ROBO1: variants seen among roughly 807,000 people sequenced by gnomAD.
ROBO1 encodes the protein roundabout homolog 1.
A neutral mutation model predicts 195.9 loss-of-function variants in ROBO1; 149 were observed. That is an observed-to-expected ratio of 0.76 (90% CI 0.67 to 0.87). The LOEUF (loss-of-function observed/expected upper bound fraction) is 0.87. Ranked by LOEUF, ROBO1 falls within the 40% of genes least tolerant of loss-of-function variation. The pLI, the probability that ROBO1 is intolerant of heterozygous loss-of-function variation, is 0.00. For synonymous variants in ROBO1, 816 were observed against 733.2 expected, an observed-to-expected ratio of 1.11 and a Z score of -1.82; for missense variants, 1,933 against 2,068.3, an observed-to-expected ratio of 0.93 and a Z score of 1.27.
At position 78,720,212 on chromosome 3, in the gene ROBO1, G is replaced by A. The variant is rs13086933; in HGVS notation, c.658-2329C>T. On this transcript the variant is annotated intron_variant, in intron 5 of 30. Transcript: ENST00000464233. ...TCCTCATGGGAGCCCCTGTTACAAT[G>A]CCTTGTAAATAGTAAAAATTTTGTG... Among the ~76,000 whole-genome samples, 806 of 152,280 alleles carry A rather than the reference G, an allele frequency of 5.3e-3. 10 individuals carry two copies. The highest frequency in any genetic ancestry group is 0.01 in the Middle Eastern group (3 of 294).
chr3:79,556,399 A>G (rs1321027796), intron 2 of ROBO1, among the ~76,000 whole-genome samples: 2 of 152,130 alleles, frequency 1.3e-5, no homozygotes, highest in African/African-American at 4.8e-5. Context: ...TGTAGAAAAA[A>G]ACAGCATGAA....
chr3:79,227,369 C>T (rs2082244201), intron 2 of ROBO1, among the ~76,000 whole-genome samples: 1 of 152,206 alleles, frequency 6.6e-6, no homozygotes, highest in East Asian at 1.9e-4. Context: ...TTTCTTCTAT[C>T]TCCTATATTT....
chr3:78,945,173 G>A (rs1278220538), intron 3 of ROBO1, among the ~76,000 whole-genome samples: 1 of 152,136 alleles, frequency 6.6e-6, no homozygotes, highest in African/African-American at 2.4e-5. Context: ...AGAGAGTAGT[G>A]GTTCTCCCAG....
rs1442950562 is a variant in ROBO1, at chr3:78,597,967, AGAG to A, written c.*943_*945del. ...TTTAAAACCAAAAAAAAAAAAAAAA[AGAG>A]AGAGAGATTAAAAACAGTGCATTAC... On this transcript the variant is annotated 3_prime_UTR_variant, in exon 31 of 31. Transcript: ENST00000464233. The A allele has an allele frequency of 1.5e-4, 21 of 142,902 alleles. No individual in the cohort carries two copies. Among genetic ancestry groups the A allele is most frequent in the African/African-American group, 2.9e-4 (11 of 37,880 alleles). The allele number at this position is 142,902 out of a possible 1,614,324, so 8.9% of individuals were successfully genotyped here.
At chr3:79,725,276 G>T (rs1702871135) in intron 1 of ROBO1, among the ~76,000 whole-genome samples, 1 of 136,850 alleles carries the variant, frequency 7.3e-6, no homozygotes, top group Non-Finnish European at 1.5e-5. Context: ...GCCCAGGCTG[G>T]AGTGCAGTGG....
rs71127358 is a variant in ROBO1 at position 78,787,926 on chromosome 3, C to CTTTTTTT, written c.500-41033_500-41027dup. Among the ~76,000 whole-genome samples, 243 of 71,702 alleles carry CTTTTTTT rather than the reference C, an allele frequency of 3.4e-3. 14 individuals carry two copies. The highest frequency in any genetic ancestry group is 7.5e-3 in the African/African-American group (123 of 16,382). The allele number at this position is 71,702 out of a possible 152,430, so 47.0% of individuals were successfully genotyped here. A position where few individuals can be genotyped will look rare whatever the true frequency, so the allele number is the denominator to read the frequency against. On this transcript the variant is annotated intron_variant, in intron 4 of 30. Coordinates refer to ENST00000464233, the MANE Select transcript of ROBO1 (RefSeq NM_002941.4). ...CTGGCCACAGAGTTAGACCCCTTCT[C>CTTTTTTT]TTTTTTTTTTTTTTTTTTTTTTTTT...
chr3:79,305,773 C>T (rs1048294276), intron 2 of ROBO1, among the ~76,000 whole-genome samples: 1 of 152,126 alleles, frequency 6.6e-6, no homozygotes, highest in Non-Finnish European at 1.5e-5. Context: ...ACAAACCAAA[C>T]TGTTCTACTA....
chr3:79,167,778 G>A (rs75631173), intron 2 of ROBO1, among the ~76,000 whole-genome samples: 3,324 of 152,210 alleles, frequency 0.022, 112 homozygotes, highest in African/African-American at 0.074. Flanking sequence ...AGAATACTTG[G>A]GTTTGAATTT....
At chr3:79,176,969 C>T (rs1338749980) in intron 2 of ROBO1, among the ~76,000 whole-genome samples, 1 of 152,114 alleles carries the variant, frequency 6.6e-6, no homozygotes, top group Non-Finnish European at 1.5e-5. Flanking sequence ...GTAAGTGTCT[C>T]TGTCTCAATA....
chr3:79,039,801 CAAA>C (rs1214691931), intron 3 of ROBO1, among the ~76,000 whole-genome samples: 654 of 51,328 alleles, frequency 0.013, 22 homozygotes, highest in African/African-American at 0.053. Context: ...GACTCCGTCT[CAAA>C]AAAAAAAAAA....
intron 2 of ROBO1, among the ~76,000 whole-genome samples, chr3:79,303,544 T>C (rs1264277544): frequency 6.6e-6 from 1 of 152,110 alleles, no homozygotes; most frequent in East Asian, 1.9e-4. Flanking sequence ...TTATTATTAA[T>C]TATAGTCACC....
chr3:78,874,472 A>G (rs955984261), intron 4 of ROBO1, among the ~76,000 whole-genome samples: 7 of 151,874 alleles, frequency 4.6e-5, no homozygotes, highest in Admixed American at 1.3e-4. Context: ...TGTATATAAT[A>G]CTAATACACC....
Position 78,981,788 on chromosome 3 carries a change from A to AACACACACACACACAC in ROBO1, c.173-42877_173-42862dup, listed in dbSNP as rs375186931. Among the ~76,000 whole-genome samples, 324 of 140,748 alleles carry AACACACACACACACAC rather than the reference A, an allele frequency of 2.3e-3. 1 individual carries two copies. The highest frequency in any genetic ancestry group is 8.1e-3 in the African/African-American group (307 of 38,016). 92.3% of individuals were successfully genotyped at this position (140,748 alleles called of 152,430 possible). On this transcript the variant is annotated intron_variant, in intron 3 of 30. Transcript: ENST00000464233. ...CCGCTCCCATCCCCTGGCCCCTGCC[A>AACACACACACACACAC]ACACACACACACACACACACACACA...
chr3:78,606,624 G>C, intron 29 of ROBO1, 109 bp downstream of exon 29: 2 of 1,077,722 alleles, frequency 1.9e-6, no homozygotes, highest in Non-Finnish European at 2.8e-6. Context: ...CTCCACTGGA[G>C]AGCAAACTTC....
At chr3:79,154,404 A>G (rs2080823625) in intron 2 of ROBO1, among the ~76,000 whole-genome samples, 1 of 151,774 alleles carries the variant, frequency 6.6e-6, no homozygotes, top group Admixed American at 6.6e-5. Flanking sequence ...GACCACAGTT[A>G]TACATCTTTG....
At chr3:78,909,160 T>G (rs1453863272) in intron 4 of ROBO1, among the ~76,000 whole-genome samples, 1 of 151,850 alleles carries the variant, frequency 6.6e-6, no homozygotes, top group Admixed American at 6.6e-5. Context: ...GTATTTCTAT[T>G]TATCTAAAGT....
intron 1 of ROBO1, among the ~76,000 whole-genome samples, chr3:79,749,936 G>A (rs1704054609): frequency 6.6e-6 from 1 of 152,150 alleles, no homozygotes; most frequent in Non-Finnish European, 1.5e-5. Context: ...CTGAGAAGAG[G>A]GCCAACATCC....
chr3:78,997,673 T>C (rs2077401487), intron 3 of ROBO1, among the ~76,000 whole-genome samples: 1 of 152,126 alleles, frequency 6.6e-6, no homozygotes, highest in African/African-American at 2.4e-5. Flanking sequence ...TAAAGACATG[T>C]ACAGAACACC....
intron 2 of ROBO1, among the ~76,000 whole-genome samples, chr3:79,240,625 C>T (rs1167399589): frequency 6.6e-6 from 1 of 152,006 alleles, no homozygotes; most frequent in East Asian, 1.9e-4. Flanking sequence ...ACCACTTACA[C>T]AGATATAACA....
Sources: gnomAD v4.1 joint callset for allele counts (sites outside exome capture counted in the v4.1 genomes callset) on GRCh38, gnomAD v4.1.1 for gene constraint, MANE v1.5 for transcripts, NCBI Gene and HGNC (gene_info 2026-07-23, HGNC 2026-07-21) for gene names.